POU6F2: variants seen among roughly 807,000 people sequenced by gnomAD.
The protein encoded by POU6F2 is POU class 6 homeobox 2.
In POU6F2, 31 loss-of-function variants were observed where a neutral mutation model predicts 71.3. The observed-to-expected ratio is 0.43, with a 90% CI of 0.33 to 0.59. POU6F2 has a LOEUF of 0.59. Among genes scored for constraint, POU6F2 ranks in the 20% least tolerant of loss-of-function variants. The pLI is 0.04. For missense variants in POU6F2, 783 were observed against 856.8 expected, an observed-to-expected ratio of 0.91 and a Z score of 1.07; for synonymous variants, 347 against 355.7, an observed-to-expected ratio of 0.98 and a Z score of 0.27.
At chr7:39,340,557 C>T (rs1032540880) in intron 5 of POU6F2, among the ~76,000 whole-genome samples, 3 of 152,084 alleles carry the variant, frequency 2.0e-5, no homozygotes, top group Non-Finnish European at 4.4e-5. Flanking sequence ...AGATTCCAAC[C>T]ATTACTCCAC....
intron 4 of POU6F2, among the ~76,000 whole-genome samples, chr7:39,298,357 G>T (rs770175827): frequency 3.3e-5 from 5 of 152,124 alleles, no homozygotes; most frequent in Non-Finnish European, 7.4e-5. Flanking sequence ...CAAAGGATAT[G>T]AACAGACACT....
intron 2 of POU6F2, among the ~76,000 whole-genome samples, chr7:39,158,754 T>C (rs1313273382): frequency 6.6e-6 from 1 of 152,166 alleles, no homozygotes; most frequent in African/African-American, 2.4e-5. Context: ...GGATGGATCT[T>C]CCTTACTCAG....
chr7:39,038,761 A>G (rs1790117976), intron 1 of POU6F2, among the ~76,000 whole-genome samples: 1 of 151,942 alleles, frequency 6.6e-6, no homozygotes, highest in African/African-American at 2.4e-5. Context: ...ACATTCCTCT[A>G]TTTAAATCTT....
intron 7 of POU6F2, among the ~76,000 whole-genome samples, chr7:39,437,863 C>A (rs925234904): frequency 1.3e-5 from 2 of 151,946 alleles, no homozygotes; most frequent in African/African-American, 4.8e-5. Flanking sequence ...TGATTTCTGC[C>A]TTAATTTCCT....
chr7:39,319,511 A>T (rs1354470142), intron 4 of POU6F2, among the ~76,000 whole-genome samples: 1 of 152,178 alleles, frequency 6.6e-6, no homozygotes, highest in Non-Finnish European at 1.5e-5. Context: ...GCATGCTGAG[A>T]TATATTCACC....
intron 2 of POU6F2, among the ~76,000 whole-genome samples, chr7:39,164,689 G>T (rs1308548906): frequency 6.6e-6 from 1 of 151,952 alleles, no homozygotes; most frequent in Non-Finnish European, 1.5e-5. Flanking sequence ...CATGGGGGAA[G>T]CCAGGGACAG....
At chr7:38,986,648 T>A (rs1248781569) in intron 1 of POU6F2, among the ~76,000 whole-genome samples, 1 of 152,136 alleles carries the variant, frequency 6.6e-6, no homozygotes, top group Admixed American at 6.6e-5. Context: ...CTCCTATGAG[T>A]ATTTTTGAAT....
intron 2 of POU6F2, among the ~76,000 whole-genome samples, chr7:39,153,643 C>A (rs541703103): frequency 1.3e-5 from 2 of 152,258 alleles, no homozygotes; most frequent in Non-Finnish European, 2.9e-5. Context: ...TGAACAGATA[C>A]ACTGATTAAG....
chr7:39,413,031 G>A (rs1161732609), intron 6 of POU6F2, among the ~76,000 whole-genome samples: 3 of 150,564 alleles, frequency 2.0e-5, no homozygotes, highest in Non-Finnish European at 4.4e-5. Context: ...GTCTCGATCT[G>A]CTGACCTCGT....
At chr7:39,387,166 C>T (rs1786963181) in intron 5 of POU6F2, among the ~76,000 whole-genome samples, 1 of 152,216 alleles carries the variant, frequency 6.6e-6, no homozygotes, top group African/African-American at 2.4e-5. Flanking sequence ...TTCTGCTTGT[C>T]TCTCCACAGT....
intron 1 of POU6F2, among the ~76,000 whole-genome samples, chr7:39,073,515 TGCTCGTCTTAAAA>T (rs1348621359): frequency 6.6e-6 from 1 of 152,154 alleles, no homozygotes; most frequent in East Asian, 1.9e-4. Context: ...ATGTTATCTC[TGCTCGTCTTAAAA>T]GCTCAGAAGC....
At chr7:39,249,540 A>G (rs1021585879) in intron 4 of POU6F2, among the ~76,000 whole-genome samples, 2 of 152,354 alleles carry the variant, frequency 1.3e-5, no homozygotes, top group East Asian at 1.9e-4. Context: ...AAGGACTAAT[A>G]TATATCAGTT....
intron 4 of POU6F2, among the ~76,000 whole-genome samples, chr7:39,336,121 CACATA>C (rs1472753380): frequency 3.3e-5 from 5 of 152,236 alleles, no homozygotes; most frequent in Non-Finnish European, 7.3e-5. Context: ...TAGTACAATA[CACATA>C]ACATACAACT....
chr7:39,455,864 A>G (rs1186793755), intron 8 of POU6F2, among the ~76,000 whole-genome samples: 2 of 152,204 alleles, frequency 1.3e-5, no homozygotes, highest in African/African-American at 2.4e-5. Context: ...TTTAGCACCC[A>G]TAAAAATCTT....
intron 2 of POU6F2, among the ~76,000 whole-genome samples, chr7:39,191,903 T>C (rs901578302): frequency 1.3e-5 from 2 of 151,966 alleles, no homozygotes; most frequent in African/African-American, 4.8e-5. Context: ...GGCTGGTTGG[T>C]TTTTTATAAC....
intron 7 of POU6F2, among the ~76,000 whole-genome samples, chr7:39,448,440 C>G (rs148636398): frequency 6.6e-6 from 1 of 152,102 alleles, no homozygotes; most frequent in East Asian, 1.9e-4. Context: ...TAGAGGTAAG[C>G]AGAACCCCAG....
At chr7:39,221,719 C>A (rs1027223173) in intron 4 of POU6F2, among the ~76,000 whole-genome samples, 5 of 151,944 alleles carry the variant, frequency 3.3e-5, no homozygotes, top group Non-Finnish European at 7.4e-5. Flanking sequence ...AAAATTAGTA[C>A]GCTTTTTACT....
chr7:39,353,093 T>G (rs934791045), intron 5 of POU6F2, among the ~76,000 whole-genome samples: 10 of 152,382 alleles, frequency 6.6e-5, no homozygotes, highest in African/African-American at 2.4e-4. Context: ...TTGCATTTCC[T>G]GCAAGGAGGC....
chr7:39,189,788 AT>A (rs1245511651), intron 2 of POU6F2, among the ~76,000 whole-genome samples: 1 of 152,202 alleles, frequency 6.6e-6, no homozygotes, highest in Non-Finnish European at 1.5e-5. Flanking sequence ...AGAAAGCATC[AT>A]CCAATCCAGA....
Sources: allele counts gnomAD v4.1 joint callset (sites outside exome capture counted in the v4.1 genomes callset), GRCh38; gene constraint gnomAD v4.1.1; transcripts MANE v1.5; gene names NCBI Gene and HGNC (gene_info 2026-07-23, HGNC 2026-07-21).